The following FREM2 variants were observed in gnomAD, a reference collection of about 807,000 sequenced individuals.
FREM2 encodes FRAS1 related extracellular matrix 2.
A neutral mutation model predicts 219.9 loss-of-function variants in FREM2; 119 were observed. The observed-to-expected ratio is 0.54, with a 90% confidence interval of 0.47 to 0.63. FREM2 has a LOEUF of 0.63. FREM2 is among the 30% of genes least tolerant of loss of function. The pLI is 0.00. For synonymous variants in FREM2, 1,562 were observed against 1,522.8 expected, an observed-to-expected ratio of 1.03 and a Z score of -0.60; for missense variants, 4,030 against 3,993.6, an observed-to-expected ratio of 1.01 and a Z score of -0.25.
chr13:38,722,702 G>T (rs1272347438), intron 2 of FREM2, among the ~76,000 whole-genome samples: 3 of 150,314 alleles, frequency 2.0e-5, no homozygotes, highest in African/African-American at 7.3e-5. Flanking sequence ...TAACAAGATG[G>T]TGTAAGGATA....
At chr13:38,877,091 A>G (rs1325531851) in intron 20 of FREM2, 26 bp from the exon 21 acceptor site, 3 of 1,613,702 alleles carry the variant, frequency 1.9e-6, no homozygotes, top group Non-Finnish European at 2.5e-6. Flanking sequence ...ACTGATGCAT[A>G]AAAGAACTTT....
rs958385736 is a variant in FREM2, at chr13:38,769,141, T to C, written c.5411-437T>C. On this transcript the variant is annotated intron_variant, in intron 3 of 23. Coordinates refer to ENST00000280481, the MANE Select transcript of FREM2 (RefSeq NM_207361.6). ...TTAGATTGTGAGTCAGAGAATTCTT[T>C]CATGGAGGAGTTTCTTATTGGCTTA... 2.0e-5 allele frequency among the ~76,000 whole-genome samples: 3 copies of C among 152,210 alleles called. No individual in the cohort carries two copies. The South Asian group carries it at 6.2e-4, about 31-fold the overall frequency.
intron 2 of FREM2, among the ~76,000 whole-genome samples, chr13:38,754,934 G>A (rs561587980): frequency 1.8e-5 from 2 of 113,124 alleles, no homozygotes; most frequent in Admixed American, 8.6e-5. Flanking sequence ...ATGGAGTCTC[G>A]CTCTGTCACC....
At chr13:38,771,142 C>G (rs892556246) in intron 4 of FREM2, among the ~76,000 whole-genome samples, 4 of 152,152 alleles carry the variant, frequency 2.6e-5, no homozygotes, top group Admixed American at 2.6e-4. Context: ...GCTCTGACAT[C>G]ATTTGTTTAA....
rs1281755707 is a variant in FREM2, at chr13:38,880,293, G to A, written c.9016G>A (p.Gly3006Ser). The A allele has an allele frequency of 6.2e-7, 1 of 1,613,844 alleles. No individual in the cohort carries two copies. Among genetic ancestry groups the A allele is most frequent in the Non-Finnish European group, 8.5e-7 (1 of 1,179,978 alleles). ...DSTPLFQVALGREWYIHTIYT... is the reference protein window; with the variant it reads ...DSTPLFQVALSREWYIHTIYT... The stretch of plus-strand genomic sequence containing the variant: ...GAGTTGTGCTTTCTAGGTCGCTCTA[G>A]GCCGAGAATGGTATATACATACGAT... The change falls in exon 24 of 24, where the codon GGC becomes AGC. Residue 3006 changes from glycine (G) to serine (S), a missense_variant. Around this residue, in one of 2 missense-constraint regions of FREM2, gnomAD observed 928 missense variants for 1,042.9 expected, o/e 0.89. Coordinates refer to ENST00000280481, the MANE Select transcript of FREM2 (RefSeq NM_207361.6).
intron 16 of FREM2, among the ~76,000 whole-genome samples, chr13:38,865,490 T>C (rs1186577585): frequency 6.6e-6 from 1 of 152,226 alleles, no homozygotes; most frequent in African/African-American, 2.4e-5. Context: ...ATATAGACTA[T>C]ATAATGCCCT....
At chr13:38,840,644 A>ATATATATATATATATATATATG (rs1184958401) in intron 6 of FREM2, among the ~76,000 whole-genome samples, 2 of 134,318 alleles carry the variant, frequency 1.5e-5, no homozygotes, top group African/African-American at 5.7e-5. Context: ...ATATATATAT[A>ATATATATATATATATATATATG]TGTGTATGTA....
intron 15 of FREM2, among the ~76,000 whole-genome samples, chr13:38,864,038 A>G (rs1718494252): frequency 6.6e-6 from 1 of 152,062 alleles, no homozygotes; most frequent in South Asian, 2.1e-4. Flanking sequence ...CATGTTGGCC[A>G]GGCTGGTCTT....
chr13:38,738,418 T>A (rs1263774727), intron 2 of FREM2, among the ~76,000 whole-genome samples: 1 of 151,462 alleles, frequency 6.6e-6, no homozygotes, highest in Non-Finnish European at 1.5e-5. Context: ...AATACAAAAT[T>A]AGCCAGGCGT....
At chr13:38,780,349 C>T (rs189879131) in intron 4 of FREM2, among the ~76,000 whole-genome samples, 3 of 152,244 alleles carry the variant, frequency 2.0e-5, no homozygotes, top group African/African-American at 7.2e-5. Flanking sequence ...ACACCTGGTC[C>T]GTCAGAAAAC....
At chr13:38,846,802 T>C (rs1877175450) in intron 7 of FREM2, 80 bp downstream of exon 7, 1 of 1,476,048 alleles carries the variant, frequency 6.8e-7, no homozygotes, top group East Asian at 2.3e-5. Flanking sequence ...AAAGCTGAAA[T>C]ACTTCACTTC....
intron 2 of FREM2, among the ~76,000 whole-genome samples, chr13:38,722,826 A>G (rs1871345142): frequency 6.6e-6 from 1 of 151,810 alleles, no homozygotes; most frequent in African/African-American, 2.4e-5. Flanking sequence ...TATCAAACAT[A>G]AGATTTCAAG....
At chr13:38,695,570 G>C (rs1276755489) in intron 1 of FREM2, among the ~76,000 whole-genome samples, 1 of 152,122 alleles carries the variant, frequency 6.6e-6, no homozygotes, top group Non-Finnish European at 1.5e-5. Flanking sequence ...TCTCCTAGTA[G>C]AGCCTTTAGA....
At position 38,869,826 on chromosome 13, in the gene FREM2, T is replaced by A. The variant is rs1476205884; in HGVS notation, c.7984-2916T>A. Among the ~76,000 whole-genome samples the A allele has an allele frequency of 3.4e-4, 52 of 152,208 alleles. 2 individuals carry two copies. Among genetic ancestry groups the A allele is most frequent in the Admixed American group, 3.4e-3 (52 of 15,286 alleles). On this transcript the variant is annotated intron_variant, in intron 16 of 23. Transcript: ENST00000280481. ...TTAAGTTCTTAGAACTATCAGATAG[T>A]TTGGTAGTTTTTCTCTTGAAAACAA...
At chr13:38,731,476 A>T (rs2137767716) in intron 2 of FREM2, among the ~76,000 whole-genome samples, 1 of 152,316 alleles carries the variant, frequency 6.6e-6, no homozygotes, top group East Asian at 1.9e-4. Flanking sequence ...AAATTAGGTA[A>T]CAATATACTT....
chr13:38,740,898 A>G (rs1369119966), intron 2 of FREM2, among the ~76,000 whole-genome samples: 5 of 152,212 alleles, frequency 3.3e-5, no homozygotes, highest in Non-Finnish European at 4.4e-5. Flanking sequence ...TTCACATATA[A>G]TGATGAGGAA....
chr13:38,856,636 T>C (rs1045427686), intron 12 of FREM2, among the ~76,000 whole-genome samples: 2 of 151,930 alleles, frequency 1.3e-5, no homozygotes, highest in Admixed American at 6.6e-5. Flanking sequence ...ATAAAACATA[T>C]TCGAACCCAC....
chr13:38,788,848 G>T (rs1230767213), intron 6 of FREM2, among the ~76,000 whole-genome samples: 1 of 152,016 alleles, frequency 6.6e-6, no homozygotes, highest in Non-Finnish European at 1.5e-5. Context: ...TTTAGTTTGA[G>T]AAGAGATTTT....
intron 2 of FREM2, among the ~76,000 whole-genome samples, chr13:38,731,312 G>C (rs1180909059): frequency 6.6e-6 from 1 of 152,134 alleles, no homozygotes; most frequent in Non-Finnish European, 1.5e-5. Context: ...AATGAATAAA[G>C]GTTATTCTTA....
Sources: gnomAD v4.1 joint callset for allele counts (sites outside exome capture counted in the v4.1 genomes callset) on GRCh38, gnomAD v4.1.1 for gene constraint, gnomAD v4.1.1 regional missense constraint, MANE v1.5 for transcripts, NCBI Gene and HGNC (gene_info 2026-07-23, HGNC 2026-07-21) for gene names.